CALCR: variants seen among roughly 807,000 people sequenced by gnomAD.
CALCR encodes calcitonin receptor.
CALCR carries 47 observed loss-of-function variants against 59.5 expected under a neutral mutation model. The ratio of observed to expected loss-of-function variants is 0.79; its 90% CI spans 0.63 to 1.01. The LOEUF (loss-of-function observed/expected upper bound fraction) is 1.01. Ranked by LOEUF, CALCR falls within the 50% of genes least tolerant of loss-of-function variation. CALCR has a pLI of 0.00. For missense variants in CALCR, 566 were observed against 597.1 expected (o/e 0.95, Z 0.54); for synonymous variants, 213 against 211.3 (o/e 1.01, Z -0.07).
At chr7:93,467,908 C>A (rs1253846570) in intron 7 of CALCR, among the ~76,000 whole-genome samples, 1 of 151,442 alleles carries the variant, frequency 6.6e-6, no homozygotes, top group Non-Finnish European at 1.5e-5. Flanking sequence ...TAATTTACTT[C>A]AGTTTCTAAC....
chr7:93,500,717 A>G (rs1164752028), intron 2 of CALCR, among the ~76,000 whole-genome samples: 1 of 151,970 alleles, frequency 6.6e-6, no homozygotes, highest in Non-Finnish European at 1.5e-5. Flanking sequence ...GTCTTTCTGT[A>G]TTGCAGAGAA....
At chr7:93,496,681 G>A (rs745772176) in intron 2 of CALCR, among the ~76,000 whole-genome samples, 3 of 151,560 alleles carry the variant, frequency 2.0e-5, no homozygotes, top group Non-Finnish European at 4.4e-5. Flanking sequence ...CAAGGAGTAG[G>A]ATGAGGAATG....
chr7:93,541,265 C>A (rs1789129926), intron 2 of CALCR, among the ~76,000 whole-genome samples: 1 of 152,104 alleles, frequency 6.6e-6, no homozygotes, highest in East Asian at 1.9e-4. Flanking sequence ...CCTCTGCCTC[C>A]CAAGTTCAAG....
At chr7:93,488,208 T>C (rs990689297) in intron 2 of CALCR, among the ~76,000 whole-genome samples, 1 of 151,686 alleles carries the variant, frequency 6.6e-6, no homozygotes, top group Non-Finnish European at 1.5e-5. Context: ...AAGCAAATGC[T>C]GAGAGATTTT....
intron 2 of CALCR, among the ~76,000 whole-genome samples, chr7:93,573,690 C>T (rs1042245332): frequency 1.3e-5 from 2 of 152,108 alleles, no homozygotes; most frequent in Non-Finnish European, 2.9e-5. Context: ...TGTCTTTCAC[C>T]CAGGCTTGGG....
intron 2 of CALCR, among the ~76,000 whole-genome samples, chr7:93,526,280 G>C (rs12704674): frequency 0.28 from 42,553 of 151,904 alleles, 7,083 homozygotes; most frequent in Non-Finnish European, 0.38. Context: ...ACACAGCATG[G>C]ATGAGATACC....
chr7:93,454,265 G>A (rs1800163856), intron 8 of CALCR, among the ~76,000 whole-genome samples: 2 of 151,808 alleles, frequency 1.3e-5, no homozygotes, highest in African/African-American at 4.8e-5. Context: ...GACTACCTAA[G>A]AAGAAGCTCC....
intron 2 of CALCR, among the ~76,000 whole-genome samples, chr7:93,496,593 A>G (rs934356812): frequency 2.0e-5 from 3 of 151,476 alleles, no homozygotes; most frequent in Non-Finnish European, 4.4e-5. Flanking sequence ...CAGTACTATA[A>G]TGGGCATCTC....
chr7:93,542,187 C>T (rs1789161252), intron 2 of CALCR, among the ~76,000 whole-genome samples: 2 of 152,140 alleles, frequency 1.3e-5, no homozygotes, highest in African/African-American at 4.8e-5. Context: ...AAATATCACA[C>T]AGTGTACTTA....
At chr7:93,444,533 G>A (rs951158607) in intron 8 of CALCR, among the ~76,000 whole-genome samples, 9 of 151,928 alleles carry the variant, frequency 5.9e-5, no homozygotes, top group Non-Finnish European at 1.3e-4. Flanking sequence ...TGTTGTTGCG[G>A]GGGCTGCCTT....
chr7:93,498,146 T>C (rs1295880598), intron 2 of CALCR, among the ~76,000 whole-genome samples: 1 of 151,670 alleles, frequency 6.6e-6, no homozygotes, highest in Non-Finnish European at 1.5e-5. Context: ...AATGAAGCAA[T>C]GATGTATACT....
intron 8 of CALCR, among the ~76,000 whole-genome samples, chr7:93,460,593 G>GTATATATATATATA (rs368578654): frequency 1.6e-4 from 14 of 89,360 alleles, no homozygotes; most frequent in East Asian, 9.3e-4. Flanking sequence ...ATATATATAT[G>GTATATATATATATA]TATATATATA....
intron 5 of CALCR, among the ~76,000 whole-genome samples, chr7:93,476,671 C>T (rs1800673206): frequency 6.6e-6 from 1 of 151,864 alleles, no homozygotes; most frequent in Non-Finnish European, 1.5e-5. Context: ...TACTTTGGAA[C>T]TGGCCTAGTA....
intron 2 of CALCR, among the ~76,000 whole-genome samples, chr7:93,500,496 T>C (rs1325891377): frequency 6.6e-6 from 1 of 151,992 alleles, no homozygotes; most frequent in Non-Finnish European, 1.5e-5. Flanking sequence ...GGCCCTGTTG[T>C]ACCAATACTT....
chr7:93,440,247 C>A (rs1477175611), intron 9 of CALCR, among the ~76,000 whole-genome samples: 1 of 152,004 alleles, frequency 6.6e-6, no homozygotes, highest in Non-Finnish European at 1.5e-5. Context: ...AATTTAGAAC[C>A]TATCATACTG....
chr7:93,505,329 T>C (rs1279619649), intron 2 of CALCR, among the ~76,000 whole-genome samples: 4 of 152,216 alleles, frequency 2.6e-5, no homozygotes, highest in Non-Finnish European at 5.9e-5. Flanking sequence ...ATAGTCGTAC[T>C]TTAACTTGGG....
At chr7:93,433,984 G>A (rs1212401371) in intron 13 of CALCR, among the ~76,000 whole-genome samples, 1 of 152,156 alleles carries the variant, frequency 6.6e-6, no homozygotes, top group Non-Finnish European at 1.5e-5. Context: ...ATCCAGAATA[G>A]CTTTCACTAT....
intron 9 of CALCR, among the ~76,000 whole-genome samples, chr7:93,443,169 T>C (rs1799945042): frequency 6.6e-6 from 1 of 152,122 alleles, no homozygotes; most frequent in Non-Finnish European, 1.5e-5. Flanking sequence ...ATCCTGATGA[T>C]GGATTGACAG....
chr7:93,451,300 C>T (rs575137087), intron 8 of CALCR, among the ~76,000 whole-genome samples: 45 of 152,022 alleles, frequency 3.0e-4, no homozygotes, highest in Admixed American at 2.2e-3. Context: ...AGAAGAGATG[C>T]AAGGCTTATT....
Sources: gnomAD v4.1 joint callset for allele counts (sites outside exome capture counted in the v4.1 genomes callset) on GRCh38, gnomAD v4.1.1 for gene constraint, MANE v1.5 for transcripts, NCBI Gene and HGNC (gene_info 2026-07-23, HGNC 2026-07-21) for gene names.